ARB2A: variants seen among roughly 807,000 people sequenced by gnomAD.
The protein encoded by ARB2A is cotranscriptional regulator ARB2A.
the ARB2A span, among the ~76,000 whole-genome samples, chr5:93,731,288 C>G: frequency 2.6e-5 from 4 of 152,066 alleles, no homozygotes; most frequent in Non-Finnish European, 5.9e-5. Flanking sequence ...AATGCAATAT[C>G]ACTCACAAAA....
At chr5:93,858,610 T>TG in the ARB2A span, among the ~76,000 whole-genome samples, 4 of 152,192 alleles carry the variant, frequency 2.6e-5, no homozygotes, top group Non-Finnish European at 4.4e-5. Flanking sequence ...ACTTCTAAAC[T>TG]GACACTCTTA....
the ARB2A span, among the ~76,000 whole-genome samples, chr5:93,919,942 C>T: frequency 6.6e-6 from 1 of 152,126 alleles, no homozygotes; most frequent in Admixed American, 6.5e-5. Flanking sequence ...ATTTTTCACA[C>T]ACCTAAATCT....
chr5:93,843,470 G>A, the ARB2A span, among the ~76,000 whole-genome samples: 2 of 141,146 alleles, frequency 1.4e-5, no homozygotes, highest in African/African-American at 2.7e-5. Context: ...CACCCAGGCT[G>A]GTGTGCAGTG....
chr5:93,858,556 T>C, the ARB2A span, among the ~76,000 whole-genome samples: 1 of 152,218 alleles, frequency 6.6e-6, no homozygotes. Context: ...TTAGCCTTTA[T>C]CTAATCAATT....
chr5:93,710,272 G>C, the ARB2A span, among the ~76,000 whole-genome samples: 42 of 152,162 alleles, frequency 2.8e-4, no homozygotes, highest in African/African-American at 9.6e-4. Flanking sequence ...TAGTTGCAAC[G>C]GTTAAAATTA....
chr5:93,960,140 G>A, the ARB2A span, among the ~76,000 whole-genome samples: 1 of 142,386 alleles, frequency 7.0e-6, no homozygotes, highest in East Asian at 2.0e-4. Flanking sequence ...TTACGCTTAG[G>A]AAGAGAAAAA....
chr5:93,976,861 A>G, the ARB2A span, among the ~76,000 whole-genome samples: 1 of 152,146 alleles, frequency 6.6e-6, no homozygotes, highest in Admixed American at 6.5e-5. Flanking sequence ...AAAACCCTAA[A>G]GATTCCACTA....
At chr5:93,854,420 G>T in the ARB2A span, among the ~76,000 whole-genome samples, 1 of 151,936 alleles carries the variant, frequency 6.6e-6, no homozygotes, top group Non-Finnish European at 1.5e-5. Context: ...CTAGATTCAT[G>T]AATTTTTTGA....
At chr5:93,864,057 A>G in the ARB2A span, among the ~76,000 whole-genome samples, 1 of 152,172 alleles carries the variant, frequency 6.6e-6, no homozygotes, top group Admixed American at 6.5e-5. Context: ...GGATCTACCT[A>G]ACAAATGTCA....
chr5:93,889,006 T>A, the ARB2A span, among the ~76,000 whole-genome samples: 1 of 151,806 alleles, frequency 6.6e-6, no homozygotes, highest in Non-Finnish European at 1.5e-5. Context: ...CAGTCACTTT[T>A]CATTTTAAGA....
At chr5:93,942,180 C>T in the ARB2A span, among the ~76,000 whole-genome samples, 2 of 152,262 alleles carry the variant, frequency 1.3e-5, no homozygotes, top group East Asian at 1.9e-4. Flanking sequence ...AATAAGCTGT[C>T]GTTAACAACC....
At chr5:93,886,707 C>T in the ARB2A span, among the ~76,000 whole-genome samples, 1 of 151,308 alleles carries the variant, frequency 6.6e-6, no homozygotes, top group Non-Finnish European at 1.5e-5. Flanking sequence ...TGAAAAATGC[C>T]CCCTCCATTA....
At chr5:94,038,797 G>A in the ARB2A span, among the ~76,000 whole-genome samples, 3 of 150,180 alleles carry the variant, frequency 2.0e-5, no homozygotes, top group African/African-American at 2.4e-5. Flanking sequence ...TCGATATTCA[G>A]TAGGAAAATA....
At chr5:93,935,625 C>T in the ARB2A span, among the ~76,000 whole-genome samples, 1 of 152,134 alleles carries the variant, frequency 6.6e-6, no homozygotes, top group South Asian at 2.1e-4. Flanking sequence ...AGGTAAACGG[C>T]AGTGTACTAA....
the ARB2A span, among the ~76,000 whole-genome samples, chr5:93,910,493 G>T: frequency 6.6e-6 from 1 of 151,112 alleles, no homozygotes; most frequent in Non-Finnish European, 1.5e-5. Context: ...AACTACTTAG[G>T]TAAAATAAGC....
chr5:93,844,587 G>C, the ARB2A span, among the ~76,000 whole-genome samples: 3 of 152,242 alleles, frequency 2.0e-5, no homozygotes, highest in East Asian at 5.8e-4. Context: ...ACAACTGGGA[G>C]ATATGGACAT....
the ARB2A span, among the ~76,000 whole-genome samples, chr5:94,102,587 T>C: frequency 6.6e-6 from 1 of 152,212 alleles, no homozygotes; most frequent in Middle Eastern, 3.4e-3. Flanking sequence ...GAAAGCAACT[T>C]AGAAAACATA....
the ARB2A span, chr5:93,683,740 TA>T: frequency 6.2e-7 from 1 of 1,604,104 alleles, no homozygotes. Flanking sequence ...CGCACTTAGG[TA>T]GGAGAGAAGG....
the ARB2A span, among the ~76,000 whole-genome samples, chr5:93,796,743 T>C: frequency 1.3e-5 from 2 of 152,206 alleles, no homozygotes; most frequent in Non-Finnish European, 2.9e-5. Context: ...TTCTTTAAGT[T>C]GGGATTTTAA....
Sources: allele counts gnomAD v4.1 joint callset (sites outside exome capture counted in the v4.1 genomes callset), GRCh38; gene constraint gnomAD v4.1.1; transcripts MANE v1.5; gene names NCBI Gene and HGNC (gene_info 2026-07-23, HGNC 2026-07-21).